CTNNA2: variants seen among roughly 807,000 people sequenced by gnomAD.
CTNNA2 encodes the protein catenin alpha 2, also known as catenin alpha-2.
In CTNNA2, 42 loss-of-function variants were observed where a neutral mutation model predicts 101.0. The ratio of observed to expected loss-of-function variants is 0.42; its 90% CI spans 0.32 to 0.54. CTNNA2 has a LOEUF of 0.54. CTNNA2 is among the 20% of genes least tolerant of loss of function. The pLI is 0.14. For synonymous variants in CTNNA2, 450 were observed against 456.4 expected (o/e 0.99, Z 0.18); for missense variants, 871 against 1,223.1 (o/e 0.71, Z 4.29).
chr2:80,060,963 C>A (rs78879865), intron 7 of CTNNA2, among the ~76,000 whole-genome samples: 2,614 of 152,188 alleles, frequency 0.017, 56 homozygotes, highest in African/African-American at 0.054. Context: ...CTCCAAAGGG[C>A]CACCCCAGCT....
chr2:80,056,552 C>A (rs143338914), intron 7 of CTNNA2, among the ~76,000 whole-genome samples: 1 of 152,272 alleles, frequency 6.6e-6, no homozygotes, highest in Non-Finnish European at 1.5e-5. Flanking sequence ...CAAGCCTCAG[C>A]GATCCTTACA....
chr2:80,486,278 G>T (rs1313150524), intron 9 of CTNNA2, among the ~76,000 whole-genome samples: 1 of 152,084 alleles, frequency 6.6e-6, no homozygotes. Flanking sequence ...AGAAAGCTCA[G>T]GTTCCAAAGG....
At chr2:79,874,651 G>A (rs2916494) in intron 6 of CTNNA2, among the ~76,000 whole-genome samples, 82,533 of 151,930 alleles carry the variant, frequency 0.54, 22,772 homozygotes, top group Middle Eastern at 0.62. Context: ...TACTAAAAAT[G>A]TAAAACATTA....
chr2:79,430,512 A>G (rs1678648212), intron 4 of CTNNA2, among the ~76,000 whole-genome samples: 1 of 152,140 alleles, frequency 6.6e-6, no homozygotes, highest in African/African-American at 2.4e-5. Flanking sequence ...AAAAAATTAC[A>G]CACCAACCAA....
chr2:79,282,205 T>A (rs986239506), intron 2 of CTNNA2, among the ~76,000 whole-genome samples: 2 of 152,118 alleles, frequency 1.3e-5, no homozygotes, highest in Non-Finnish European at 2.9e-5. Context: ...TATACCTTTA[T>A]CTTTTTCTTT....
chr2:79,560,005 A>G (rs1487577916), intron 1 of CTNNA2, among the ~76,000 whole-genome samples: 1 of 151,800 alleles, frequency 6.6e-6, no homozygotes, highest in African/African-American at 2.4e-5. Context: ...TATGATATGT[A>G]TATTTAACAT....
intron 3 of CTNNA2, among the ~76,000 whole-genome samples, chr2:79,315,505 A>G (rs899909170): frequency 2.6e-5 from 4 of 152,314 alleles, no homozygotes; most frequent in African/African-American, 9.6e-5. Flanking sequence ...CTTACAATGC[A>G]TGGTCTTTTG....
chr2:79,875,071 A>G (rs1369755538), intron 6 of CTNNA2, among the ~76,000 whole-genome samples: 1 of 152,198 alleles, frequency 6.6e-6, no homozygotes, highest in Non-Finnish European at 1.5e-5. Context: ...TCATTAGAAC[A>G]GACCCTCTGG....
At chr2:79,670,329 TAC>T (rs1477335473) in intron 2 of CTNNA2, among the ~76,000 whole-genome samples, 1 of 152,160 alleles carries the variant, frequency 6.6e-6, no homozygotes, top group Non-Finnish European at 1.5e-5. Flanking sequence ...GATCCATAGC[TAC>T]AGTTTAGGGA....
At chr2:79,692,026 A>T (rs1421832461) in intron 2 of CTNNA2, among the ~76,000 whole-genome samples, 1 of 152,190 alleles carries the variant, frequency 6.6e-6, no homozygotes. Context: ...GACAAATGGG[A>T]TCTAATTAAA....
intron 7 of CTNNA2, among the ~76,000 whole-genome samples, chr2:80,049,746 T>C (rs1696750793): frequency 6.6e-6 from 1 of 152,222 alleles, no homozygotes; most frequent in Non-Finnish European, 1.5e-5. Context: ...CCCCCAGGAC[T>C]CCTGAAGCTG....
intron 7 of CTNNA2, among the ~76,000 whole-genome samples, chr2:80,332,666 G>C (rs1671437824): frequency 6.6e-6 from 1 of 152,212 alleles, no homozygotes; most frequent in Non-Finnish European, 1.5e-5. Context: ...AGCCATTTTA[G>C]AAAGACGAGT....
intron 7 of CTNNA2, among the ~76,000 whole-genome samples, chr2:80,075,441 G>A (rs186007910): frequency 1.3e-3 from 201 of 151,622 alleles, no homozygotes; most frequent in Non-Finnish European, 2.3e-3. Flanking sequence ...TGATAATAGC[G>A]TCTACCTCCT....
intron 1 of CTNNA2, among the ~76,000 whole-genome samples, chr2:79,536,658 A>G (rs1673087373): frequency 6.8e-6 from 1 of 147,398 alleles, no homozygotes; most frequent in Admixed American, 6.8e-5. Flanking sequence ...CCCCTACTCT[A>G]CTGTCGTCAC....
At chr2:80,450,804 T>A (rs1234450905) in intron 9 of CTNNA2, among the ~76,000 whole-genome samples, 1 of 152,090 alleles carries the variant, frequency 6.6e-6, no homozygotes, top group African/African-American at 2.4e-5. Context: ...AGTCTATGGT[T>A]TATGGTGATT....
intron 9 of CTNNA2, among the ~76,000 whole-genome samples, chr2:80,514,739 T>C (rs1688973968): frequency 6.6e-6 from 1 of 152,072 alleles, no homozygotes; most frequent in Non-Finnish European, 1.5e-5. Flanking sequence ...AAGTCACCTC[T>C]CTCCAGTCAA....
rs12615673 is a variant in CTNNA2 at position 79,811,118 on chromosome 2, G to T, written c.299-46895G>T. 4.6e-5 allele frequency among the ~76,000 whole-genome samples: 7 copies of T among 151,360 alleles called. No individual in the cohort carries two copies. In the East Asian group the frequency reaches 1.4e-3, roughly 30 times the overall value. ...GGATCGCCACACTGACTTCCACAAT[G>T]GTTGAACTAGTTTACAGTCCCACCA... On this transcript the variant is annotated intron_variant, in intron 3 of 18. Transcript: ENST00000402739.
At chr2:80,537,726 T>C (rs1157423043) in intron 9 of CTNNA2, among the ~76,000 whole-genome samples, 1 of 152,156 alleles carries the variant, frequency 6.6e-6, no homozygotes, top group African/African-American at 2.4e-5. Context: ...CCTGAGTAGC[T>C]GGGATTACAG....
intron 7 of CTNNA2, among the ~76,000 whole-genome samples, chr2:79,942,328 T>C (rs1421665558): frequency 6.6e-6 from 1 of 152,146 alleles, no homozygotes; most frequent in African/African-American, 2.4e-5. Context: ...ATGGCAGAGA[T>C]GATCAGGTTA....
Sources: gnomAD v4.1 joint callset for allele counts (sites outside exome capture counted in the v4.1 genomes callset) on GRCh38, gnomAD v4.1.1 for gene constraint, MANE v1.5 for transcripts, NCBI Gene and HGNC (gene_info 2026-07-23, HGNC 2026-07-21) for gene names.